Variants in MACROD2 observed in about 807,000 individuals in gnomAD.
MACROD2 encodes the protein ADP-ribose glycohydrolase MACROD2.
MACROD2 carries 36 observed loss-of-function variants against 70.4 expected under a neutral mutation model. The ratio of observed to expected loss-of-function variants is 0.51; its 90% confidence interval spans 0.39 to 0.68. MACROD2 has a LOEUF of 0.68. MACROD2 is among the 30% of genes least tolerant of loss of function. The pLI, the probability that MACROD2 is intolerant of heterozygous loss-of-function variation, is 0.00. For synonymous variants in MACROD2, 172 were observed against 178.8 expected, an observed-to-expected ratio of 0.96 and a Z score of 0.30; for missense variants, 496 against 538.4, an observed-to-expected ratio of 0.92 and a Z score of 0.78.
intron 5 of MACROD2, among the ~76,000 whole-genome samples, chr20:14,878,421 C>A (rs1274259000): frequency 6.6e-6 from 1 of 152,058 alleles, no homozygotes; most frequent in Non-Finnish European, 1.5e-5. Context: ...GTTAGGGAGT[C>A]TATGTCCTCT....
chr20:14,361,313 T>C (rs570524070), intron 3 of MACROD2, among the ~76,000 whole-genome samples: 2 of 152,126 alleles, frequency 1.3e-5, no homozygotes, highest in Non-Finnish European at 2.9e-5. Context: ...CCCTCTATAT[T>C]TGCCAGGGGT....
At chr20:15,250,620 T>G (rs551706351) in intron 6 of MACROD2, among the ~76,000 whole-genome samples, 1 of 152,320 alleles carries the variant, frequency 6.6e-6, no homozygotes, top group South Asian at 2.1e-4. Context: ...TATGTTGTGA[T>G]TTTCTGTGTA....
At chr20:15,400,276 A>G (rs928189823) in intron 6 of MACROD2, among the ~76,000 whole-genome samples, 2 of 152,162 alleles carry the variant, frequency 1.3e-5, no homozygotes, top group African/African-American at 4.8e-5. Context: ...CTGCATAGGA[A>G]ACAAGGCTCT....
At chr20:14,310,886 A>G (rs906131044) in intron 3 of MACROD2, among the ~76,000 whole-genome samples, 2 of 152,142 alleles carry the variant, frequency 1.3e-5, no homozygotes, top group Non-Finnish European at 2.9e-5. Context: ...ATAGAAAAAA[A>G]CTTATAGACT....
intron 8 of MACROD2, among the ~76,000 whole-genome samples, chr20:15,713,734 CAG>C (rs2050662398): frequency 6.6e-6 from 1 of 152,044 alleles, no homozygotes; most frequent in Non-Finnish European, 1.5e-5. Flanking sequence ...GGTGGGGACA[CAG>C]AGCCACAACA....
chr20:14,963,013 T>A (rs188797624), intron 5 of MACROD2, among the ~76,000 whole-genome samples: 12 of 152,298 alleles, frequency 7.9e-5, no homozygotes, highest in African/African-American at 2.9e-4. Context: ...CCTACTTAAA[T>A]TTTTAAGATA....
chr20:14,645,420 A>G (rs1985332155), intron 4 of MACROD2, among the ~76,000 whole-genome samples: 1 of 152,002 alleles, frequency 6.6e-6, no homozygotes, highest in South Asian at 2.1e-4. Context: ...TAGAAAATAA[A>G]ATGTTGGGAA....
chr20:15,313,183 C>T (rs1307678263), intron 6 of MACROD2, among the ~76,000 whole-genome samples: 1 of 152,008 alleles, frequency 6.6e-6, no homozygotes, highest in East Asian at 1.9e-4. Flanking sequence ...AAAGTTTTCA[C>T]TGAAAAAATG....
chr20:15,826,508 C>A (rs1474798642), intron 8 of MACROD2, among the ~76,000 whole-genome samples: 1 of 152,112 alleles, frequency 6.6e-6, no homozygotes, highest in Admixed American at 6.6e-5. Context: ...TAACTCAAAG[C>A]TTTTTTTAAG....
At chr20:14,327,907 C>A (rs2082764505) in intron 3 of MACROD2, among the ~76,000 whole-genome samples, 1 of 151,804 alleles carries the variant, frequency 6.6e-6, no homozygotes, top group South Asian at 2.1e-4. Flanking sequence ...ATTGAATATC[C>A]ATTTCTTACT....
At chr20:14,729,554 A>C (rs951657106) in intron 5 of MACROD2, among the ~76,000 whole-genome samples, 69 of 152,280 alleles carry the variant, frequency 4.5e-4, no homozygotes, top group African/African-American at 1.6e-3. Context: ...ACCAAAGCCC[A>C]GGGCCCATGC....
rs539808036 is a variant in MACROD2, at chr20:15,675,703, G to T, written c.645+175856G>T. ...ACTTTATTAAAAAAAGAGAAGACAG[G>T]TTTGCTAAAGGTTTGAAAATTGTAG... On this transcript the variant is annotated intron_variant, in intron 8 of 17. Coordinates refer to ENST00000684519, the MANE Select transcript of MACROD2 (RefSeq NM_001351661.2). Among the ~76,000 whole-genome samples the T allele has an allele frequency of 3.9e-5, 6 of 152,202 alleles. No homozygotes were observed. The South Asian group carries it at 1.2e-3, about 32-fold the overall frequency.
At chr20:15,342,362 A>G (rs1238985217) in intron 6 of MACROD2, among the ~76,000 whole-genome samples, 1 of 151,890 alleles carries the variant, frequency 6.6e-6, no homozygotes, top group Non-Finnish European at 1.5e-5. Context: ...GGATCGGTCA[A>G]CTCCTGGAGT....
intron 5 of MACROD2, among the ~76,000 whole-genome samples, chr20:14,803,492 A>T (rs1391444228): frequency 6.6e-6 from 1 of 151,900 alleles, no homozygotes; most frequent in Non-Finnish European, 1.5e-5. Flanking sequence ...TCTTTTTCTT[A>T]GTTGTTGAAA....
At chr20:15,885,980 G>T (rs954034073) in intron 10 of MACROD2, among the ~76,000 whole-genome samples, 169 bp downstream of exon 10, 8 of 152,148 alleles carry the variant, frequency 5.3e-5, no homozygotes, top group Non-Finnish European at 1.2e-4. Context: ...GGCTATTGCA[G>T]TTGCTGTATT....
intron 4 of MACROD2, among the ~76,000 whole-genome samples, chr20:14,584,843 T>C (rs1373275468): frequency 1.3e-5 from 2 of 152,226 alleles, no homozygotes; most frequent in Admixed American, 6.5e-5. Flanking sequence ...GAAATTATTG[T>C]CAGTTCTGTA....
chr20:15,109,357 A>T (rs1032315451), intron 5 of MACROD2, among the ~76,000 whole-genome samples: 1 of 152,164 alleles, frequency 6.6e-6, no homozygotes, highest in African/African-American at 2.4e-5. Flanking sequence ...GTAAGACCTA[A>T]ATATACTAAG....
intron 3 of MACROD2, among the ~76,000 whole-genome samples, chr20:14,179,464 T>C (rs913487484): frequency 6.6e-6 from 1 of 152,212 alleles, no homozygotes; most frequent in Non-Finnish European, 1.5e-5. Context: ...TTCATTTTCA[T>C]TGTTAGCAGA....
intron 5 of MACROD2, among the ~76,000 whole-genome samples, chr20:14,945,480 G>A (rs905673494): frequency 1.3e-5 from 2 of 152,128 alleles, no homozygotes; most frequent in African/African-American, 4.8e-5. Context: ...CTTAGTAAGG[G>A]TGTGATTGTC....
Sources: gnomAD v4.1 joint callset for allele counts (sites outside exome capture counted in the v4.1 genomes callset) on GRCh38, gnomAD v4.1.1 for gene constraint, MANE v1.5 for transcripts, NCBI Gene and HGNC (gene_info 2026-07-23, HGNC 2026-07-21) for gene names.